The following PCSK5 variants were observed in gnomAD, a reference collection of about 807,000 sequenced individuals.
PCSK5 encodes proprotein convertase subtilisin/kexin type 5.
PCSK5 carries 129 observed loss-of-function variants against 233.2 expected under a neutral mutation model. That is an observed-to-expected ratio of 0.55 (90% CI 0.48 to 0.64). The LOEUF (loss-of-function observed/expected upper bound fraction) is 0.64, where lower values mean the gene tolerates loss of function less well. Among genes scored for constraint, PCSK5 ranks in the 30% least tolerant of loss-of-function variants. The pLI, the probability that PCSK5 is intolerant of heterozygous loss-of-function variation, is 0.00. For missense variants in PCSK5, 2,076 were observed against 2,430.1 expected, an observed-to-expected ratio of 0.85 and a Z score of 3.06; for synonymous variants, 825 against 879.2, an observed-to-expected ratio of 0.94 and a Z score of 1.09.
chr9:76,328,975 A>AT (rs59466685), intron 33 of PCSK5, among the ~76,000 whole-genome samples: 153 of 123,684 alleles, frequency 1.2e-3, no homozygotes, highest in East Asian at 2.6e-3. Flanking sequence ...CTCCCGGCTA[A>AT]TTTTTTTTTT....
At chr9:75,977,539 C>A (rs560431677) in intron 2 of PCSK5, among the ~76,000 whole-genome samples, 3 of 149,824 alleles carry the variant, frequency 2.0e-5, no homozygotes, top group African/African-American at 7.3e-5. Flanking sequence ...GCCATTTCCT[C>A]CCGTCTTACC....
At chr9:76,162,178 C>G (rs1353197088) in intron 12 of PCSK5, among the ~76,000 whole-genome samples, 1 of 152,154 alleles carries the variant, frequency 6.6e-6, no homozygotes, top group Non-Finnish European at 1.5e-5. Flanking sequence ...GCACCCAGTC[C>G]CAAAACCATG....
chr9:76,284,518 C>T (rs1329259768), intron 24 of PCSK5, among the ~76,000 whole-genome samples: 1 of 127,290 alleles, frequency 7.9e-6, no homozygotes, highest in Non-Finnish European at 1.6e-5. Flanking sequence ...CCATTAAACC[C>T]TTTTTTTTTT....
At chr9:75,913,361 T>G (rs1371976362) in intron 1 of PCSK5, among the ~76,000 whole-genome samples, 5 of 152,218 alleles carry the variant, frequency 3.3e-5, no homozygotes, top group Non-Finnish European at 5.9e-5. Flanking sequence ...CATTTGCACT[T>G]GAGGTAGGGG....
chr9:76,346,162 A>G (rs1415476675), intron 35 of PCSK5, among the ~76,000 whole-genome samples: 2 of 151,540 alleles, frequency 1.3e-5, no homozygotes, highest in Non-Finnish European at 2.9e-5. Context: ...TCCCACGTTT[A>G]TTTTTGCCAA....
intron 20 of PCSK5, among the ~76,000 whole-genome samples, chr9:76,204,047 T>C (rs1007307281): frequency 4.6e-5 from 7 of 152,236 alleles, no homozygotes; most frequent in Admixed American, 1.3e-4. Context: ...ACAGTGCCTA[T>C]ATGTATTAGG....
intron 37 of PCSK5, among the ~76,000 whole-genome samples, chr9:76,358,094 T>TC (rs1463512009): frequency 6.6e-6 from 1 of 152,202 alleles, no homozygotes; most frequent in Admixed American, 6.5e-5. Flanking sequence ...ATAAGGGAAC[T>TC]CCCTTTGGAT....
At chr9:75,927,418 G>A (rs4745470) in intron 1 of PCSK5, among the ~76,000 whole-genome samples, 68,858 of 148,880 alleles carry the variant, frequency 0.46, 16,215 homozygotes, top group African/African-American at 0.55. Context: ...GGTGGCCACA[G>A]TGCTGGTGAC....
chr9:76,321,566 C>T lies in PCSK5; in HGVS notation c.4029C>T (p.His1343=), dbSNP rs777408580. 28 of 1,612,552 alleles carry T rather than the reference C, an allele frequency of 1.7e-5. No homozygotes were observed. The highest frequency in any genetic ancestry group is 5.0e-5 in the Admixed American group (3 of 60,012). ...GVCQENCPER[H]VAVKGVCKHC... ...GCCAGGAAAACTGCCCCGAGAGGCA[C>T]GTGGCTGTGAAGGGGGTATGCAAGC... Residue 1343 remains histidine, a synonymous_variant, in exon 31 of 38, where the codon CAC becomes CAT. Transcript: ENST00000674117.
rs1312814335 is a variant in PCSK5 at position 76,358,586 on chromosome 9, C to G, written c.5328C>G (p.Ser1776=). ...EHFKTALFIT[S]SMMLVLLLGA... ...TCAAGACAGCTCTGTTCATCACCTC[C>G]TCCATGATGCTGGTGCTTCTGCTCG... is the stretch of plus-strand genomic sequence containing the variant. Residue 1776 remains serine, a synonymous_variant, in exon 38 of 38, where the codon TCC becomes TCG. Transcript: ENST00000674117. 1 of 1,612,834 alleles carries G rather than the reference C, an allele frequency of 6.2e-7. No homozygotes were observed. Among genetic ancestry groups the G allele is most frequent in the Admixed American group, 1.7e-5 (1 of 60,016 alleles).
intron 3 of PCSK5, among the ~76,000 whole-genome samples, chr9:75,994,467 C>A (rs1185575210): frequency 7.7e-6 from 1 of 129,314 alleles, no homozygotes; most frequent in East Asian, 2.5e-4. Flanking sequence ...CTCTGTCGCC[C>A]AGGCTGGAAT....
chr9:76,343,333 T>TTGTGTG (rs57513234), intron 35 of PCSK5, among the ~76,000 whole-genome samples: 3,025 of 133,692 alleles, frequency 0.023, 54 homozygotes, highest in African/African-American at 0.05. Context: ...CCTGGGTAAT[T>TTGTGTG]TGTGTGTGTG....
intron 3 of PCSK5, among the ~76,000 whole-genome samples, chr9:75,988,157 G>A (rs1299679114): frequency 6.6e-6 from 1 of 152,010 alleles, no homozygotes; most frequent in Non-Finnish European, 1.5e-5. Context: ...GCTTTTGATT[G>A]GCCATTTAAC....
At chr9:76,275,790 A>C (rs1008792083) in intron 24 of PCSK5, among the ~76,000 whole-genome samples, 6 of 152,212 alleles carry the variant, frequency 3.9e-5, no homozygotes, top group African/African-American at 1.4e-4. Flanking sequence ...TTTCAGCCTG[A>C]AAAAATATTT....
intron 2 of PCSK5, among the ~76,000 whole-genome samples, chr9:75,973,644 A>G (rs897071853): frequency 1.9e-4 from 29 of 152,182 alleles, no homozygotes; most frequent in African/African-American, 7.0e-4. Context: ...CTCAGTCTTT[A>G]TCCTCTACTT....
At chr9:75,909,560 T>C (rs545059898) in intron 1 of PCSK5, among the ~76,000 whole-genome samples, 32 of 151,688 alleles carry the variant, frequency 2.1e-4, no homozygotes, top group Non-Finnish European at 4.1e-4. Flanking sequence ...CCAGGTGTGG[T>C]GGTGGGTGCC....
intron 5 of PCSK5, among the ~76,000 whole-genome samples, chr9:76,043,044 T>C (rs1384331435): frequency 6.6e-6 from 1 of 152,088 alleles, no homozygotes; most frequent in Non-Finnish European, 1.5e-5. Flanking sequence ...GGATCAAAGA[T>C]GGTAAAGAAA....
intron 20 of PCSK5, among the ~76,000 whole-genome samples, chr9:76,196,300 G>A (rs1160681990): frequency 1.3e-5 from 2 of 152,228 alleles, no homozygotes; most frequent in African/African-American, 4.8e-5. Flanking sequence ...AAGGAGGTAG[G>A]CAGTGTAAAA....
intron 37 of PCSK5, among the ~76,000 whole-genome samples, chr9:76,356,743 T>C (rs1417883934): frequency 6.6e-6 from 1 of 152,168 alleles, no homozygotes; most frequent in Admixed American, 6.5e-5. Flanking sequence ...GAGAAATACA[T>C]AGTCATGATG....
Sources: allele counts gnomAD v4.1 joint callset (sites outside exome capture counted in the v4.1 genomes callset), GRCh38; gene constraint gnomAD v4.1.1; transcripts MANE v1.5; gene names NCBI Gene and HGNC (gene_info 2026-07-23, HGNC 2026-07-21).